The following ADGRL3 variants were observed in gnomAD, a reference collection of about 807,000 sequenced individuals.
ADGRL3 encodes adhesion G protein-coupled receptor L3.
Under a neutral mutation model 153.5 loss-of-function variants are expected in ADGRL3, and 62 were observed. The observed-to-expected ratio is 0.40, with a 90% CI of 0.33 to 0.50. The LOEUF (loss-of-function observed/expected upper bound fraction) is 0.50. ADGRL3 is among the 20% of genes least tolerant of loss of function. The probability of loss-of-function intolerance (pLI) is 0.47; values close to 1 mark genes in which losing one functional copy is unlikely to be tolerated. For synonymous variants in ADGRL3, 710 were observed against 672.5 expected (o/e 1.06, Z -0.86); for missense variants, 1,641 against 1,859.4 (o/e 0.88, Z 2.16).
At chr4:61,597,029 GTT>G (rs909659875) in intron 5 of ADGRL3, among the ~76,000 whole-genome samples, 1 of 140,036 alleles carries the variant, frequency 7.1e-6, no homozygotes, top group Non-Finnish European at 1.6e-5. Flanking sequence ...AGTGAAGTGT[GTT>G]TTTTTTTTTC....
intron 5 of ADGRL3, among the ~76,000 whole-genome samples, chr4:61,597,066 A>G (rs933882727): frequency 2.0e-5 from 3 of 151,896 alleles, no homozygotes; most frequent in Non-Finnish European, 2.9e-5. Flanking sequence ...ATTTCAATAT[A>G]TAAATATATT....
chr4:61,675,205 T>C (rs2150873905), intron 5 of ADGRL3, among the ~76,000 whole-genome samples: 1 of 152,102 alleles, frequency 6.6e-6, no homozygotes, highest in East Asian at 1.9e-4. Context: ...AGTTCTGCTC[T>C]AGATGCTCTT....
intron 1 of ADGRL3, among the ~76,000 whole-genome samples, chr4:61,236,439 TA>T (rs1034423771): frequency 2.0e-5 from 3 of 152,194 alleles, no homozygotes; most frequent in Non-Finnish European, 4.4e-5. Flanking sequence ...ATCATGGTGA[TA>T]AAAATTTATA....
intron 1 of ADGRL3, among the ~76,000 whole-genome samples, chr4:61,232,606 G>T (rs754617656): frequency 6.6e-6 from 1 of 152,024 alleles, no homozygotes; most frequent in Non-Finnish European, 1.5e-5. Flanking sequence ...ACCGTGCCCA[G>T]CCCCAACAAT....
chr4:61,484,124 C>G (rs906877127), intron 2 of ADGRL3, among the ~76,000 whole-genome samples: 1 of 151,868 alleles, frequency 6.6e-6, no homozygotes, highest in African/African-American at 2.4e-5. Flanking sequence ...TTTCTCACAA[C>G]CTTTTGCTAA....
chr4:61,697,143 C>A (rs1294308145), intron 6 of ADGRL3, among the ~76,000 whole-genome samples: 1 of 151,946 alleles, frequency 6.6e-6, no homozygotes, highest in South Asian at 2.1e-4. Flanking sequence ...AAATTTATCA[C>A]CAAATAGAAG....
At chr4:61,486,495 T>C (rs988694498) in intron 2 of ADGRL3, among the ~76,000 whole-genome samples, 69 of 152,264 alleles carry the variant, frequency 4.5e-4, no homozygotes, top group African/African-American at 1.6e-3. Flanking sequence ...GGCTCTAAGA[T>C]AGTAAAAATC....
chr4:61,250,603 T>G (rs1369279188), intron 1 of ADGRL3, among the ~76,000 whole-genome samples: 1 of 152,224 alleles, frequency 6.6e-6, no homozygotes, highest in African/African-American at 2.4e-5. Flanking sequence ...TATTCAGATG[T>G]GAACCACTTC....
intron 1 of ADGRL3, among the ~76,000 whole-genome samples, chr4:61,226,702 G>C (rs1230092836): frequency 1.3e-5 from 2 of 152,086 alleles, no homozygotes; most frequent in African/African-American, 4.8e-5. Flanking sequence ...CTATTTCAAA[G>C]TGCCTGGAAG....
At chr4:61,816,017 A>C (rs2097684903) in intron 9 of ADGRL3, among the ~76,000 whole-genome samples, 1 of 152,220 alleles carries the variant, frequency 6.6e-6, no homozygotes, top group African/African-American at 2.4e-5. Flanking sequence ...ATTGTTCATC[A>C]TGAGAAATAA....
At position 61,813,804 on chromosome 4, in the gene ADGRL3, C is replaced by T. The variant is rs745500226; in HGVS notation, c.1400-5C>T. 18 of 1,601,682 alleles carry T rather than the reference C, an allele frequency of 1.1e-5. No homozygotes were observed. The highest frequency in any genetic ancestry group is 1.5e-5 in the Non-Finnish European group (18 of 1,169,112). ...TCTTCTTAACAATTTGTTTTGGGTCCACAGGGCAGGCACATCATGGACAAG... is the reference window on the plus strand; with the variant it reads ...TCTTCTTAACAATTTGTTTTGGGTCTACAGGGCAGGCACATCATGGACAAG... On this transcript the variant is annotated splice_region_variant and splice_polypyrimidine_tract_variant and intron_variant, in intron 8 of 26. Coordinates refer to ENST00000683033, the MANE Select transcript of ADGRL3 (RefSeq NM_001387552.1).
At chr4:61,922,087 TA>T (rs1320126802) in intron 13 of ADGRL3, among the ~76,000 whole-genome samples, 2 of 152,146 alleles carry the variant, frequency 1.3e-5, no homozygotes, top group Non-Finnish European at 2.9e-5. Context: ...CAAGTAAAAA[TA>T]AACAAGCAAG....
intron 25 of ADGRL3, chr4:62,063,431 TTTC>T (rs939077413): frequency 2.1e-5 from 13 of 605,354 alleles, no homozygotes; most frequent in Non-Finnish European, 3.9e-5. Flanking sequence ...AAATGTTTCC[TTTC>T]TTTTTTTCAA....
intron 17 of ADGRL3, among the ~76,000 whole-genome samples, chr4:61,964,211 A>G (rs2098998175): frequency 6.6e-6 from 1 of 152,316 alleles, no homozygotes; most frequent in African/African-American, 2.4e-5. Context: ...ATCAAATATG[A>G]CTAACACAAT....
At chr4:61,377,900 C>G (rs989606690) in intron 1 of ADGRL3, among the ~76,000 whole-genome samples, 1 of 151,920 alleles carries the variant, frequency 6.6e-6, no homozygotes, top group Admixed American at 6.6e-5. Flanking sequence ...GCTTTTGCTT[C>G]CATTTAATTA....
At chr4:61,979,144 A>G (rs755209892) in intron 17 of ADGRL3, among the ~76,000 whole-genome samples, 7 of 152,230 alleles carry the variant, frequency 4.6e-5, no homozygotes, top group Non-Finnish European at 8.8e-5. Flanking sequence ...TAGTTGAGAT[A>G]CAACTTCCCC....
At chr4:61,254,044 C>T (rs954712835) in intron 1 of ADGRL3, among the ~76,000 whole-genome samples, 2 of 152,142 alleles carry the variant, frequency 1.3e-5, no homozygotes, top group African/African-American at 4.8e-5. Flanking sequence ...AGTCAAGTCG[C>T]ATTATCAATA....
At chr4:61,215,575 G>A (rs1197509091) in intron 1 of ADGRL3, among the ~76,000 whole-genome samples, 1 of 112,424 alleles carries the variant, frequency 8.9e-6, no homozygotes, top group Admixed American at 1.1e-4. Flanking sequence ...TTTTTGAGAT[G>A]GAGTCTCGCT....
At chr4:61,253,617 CA>C (rs1478315739) in intron 1 of ADGRL3, among the ~76,000 whole-genome samples, 2 of 151,864 alleles carry the variant, frequency 1.3e-5, no homozygotes, top group East Asian at 3.9e-4. Context: ...GACTGTGTCA[CA>C]GGGGTGAGAG....
Sources: allele counts gnomAD v4.1 joint callset (sites outside exome capture counted in the v4.1 genomes callset), GRCh38; gene constraint gnomAD v4.1.1; transcripts MANE v1.5; gene names NCBI Gene and HGNC (gene_info 2026-07-23, HGNC 2026-07-21).